Variants in TRIM33 observed in about 807,000 individuals in gnomAD.
TRIM33 encodes the protein tripartite motif containing 33.
A neutral mutation model predicts 125.4 loss-of-function variants in TRIM33; 20 were observed. The ratio of observed to expected loss-of-function variants is 0.16; its 90% confidence interval spans 0.11 to 0.23. TRIM33 has a LOEUF of 0.23. TRIM33 is among the 10% of genes least tolerant of loss of function. The pLI is 1.00. For synonymous variants in TRIM33, 564 were observed against 513.9 expected, an observed-to-expected ratio of 1.10 and a Z score of -1.32; for missense variants, 920 against 1,411.4, an observed-to-expected ratio of 0.65 and a Z score of 5.58.
At chr1:114,421,758 C>T in intron 10 of TRIM33, 122 bp from the exon 11 acceptor site, 2 of 883,162 alleles carry the variant, frequency 2.3e-6, no homozygotes, top group Non-Finnish European at 1.7e-6. Flanking sequence ...CCCTTTCAAA[C>T]TTATTCAGGA....
At chr1:114,486,220 G>A (rs939452736) in intron 1 of TRIM33, among the ~76,000 whole-genome samples, 17 of 152,106 alleles carry the variant, frequency 1.1e-4, no homozygotes, top group African/African-American at 4.1e-4. Flanking sequence ...AGGTTGCAAT[G>A]AGCTGAGATC....
chr1:114,402,407 T>C (rs1301543792), intron 16 of TRIM33, among the ~76,000 whole-genome samples: 4 of 152,258 alleles, frequency 2.6e-5, no homozygotes, highest in East Asian at 3.9e-4. Context: ...TTCTAATAGG[T>C]TTCTAACCTG....
At chr1:114,448,064 T>C (rs1222333125) in intron 4 of TRIM33, among the ~76,000 whole-genome samples, 2 of 152,064 alleles carry the variant, frequency 1.3e-5, no homozygotes, top group Admixed American at 6.6e-5. Context: ...TTTTTAAAAA[T>C]GGAAGAAAAA....
intron 6 of TRIM33, 83 bp from the exon 7 acceptor site, chr1:114,427,977 C>G (rs1199882944): frequency 7.3e-7 from 1 of 1,375,614 alleles, no homozygotes; most frequent in Non-Finnish European, 1.0e-6. Context: ...GGGCACAATA[C>G]CTATACTTCC....
intron 4 of TRIM33, among the ~76,000 whole-genome samples, chr1:114,439,406 T>C (rs775152330): frequency 6.3e-5 from 9 of 142,874 alleles, no homozygotes; most frequent in African/African-American, 1.9e-4. Context: ...GAGGTGGAGA[T>C]TGCAGTGAGC....
chr1:114,400,076 A>G (rs996086655), intron 17 of TRIM33, among the ~76,000 whole-genome samples: 3 of 152,246 alleles, frequency 2.0e-5, no homozygotes, highest in African/African-American at 4.8e-5. Flanking sequence ...GACTAAGAAC[A>G]TAAGAAAAAT....
rs964414838 is a variant in TRIM33, at chr1:114,468,308, C to T, written c.527-3920G>A. On this transcript the variant is annotated intron_variant, in intron 1 of 19. Coordinates refer to ENST00000358465, the MANE Select transcript of TRIM33 (RefSeq NM_015906.4). ...CCTGTCTGTGCCTAGCCCATTCGAG[C>T]TGCAGCCATGTCTGGGGATGAGATG... 5.4e-5 allele frequency: 15 copies of T among 275,886 alleles called. No individual in the cohort carries two copies. In the Admixed American group the frequency reaches 5.6e-4, roughly 10 times the overall value. The allele number at this position is 275,886 out of a possible 1,614,324, so 17.1% of individuals were successfully genotyped here.
chr1:114,476,275 T>C (rs1650974538), intron 1 of TRIM33, among the ~76,000 whole-genome samples: 1 of 149,882 alleles, frequency 6.7e-6, no homozygotes, highest in African/African-American at 2.5e-5. Context: ...CCACATCCTA[T>C]AAAAGTTTAA....
At chr1:114,497,879 G>GA (rs545036301) in intron 1 of TRIM33, among the ~76,000 whole-genome samples, 6,271 of 114,566 alleles carry the variant, frequency 0.055, 143 homozygotes, top group South Asian at 0.078. Context: ...AAGATCAAAA[G>GA]AAAAAAAAAA....
chr1:114,510,925 C>G lies in TRIM33; in HGVS notation c.152G>C (p.Gly51Ala). ...VLVEEEEEEG[G>A]RAGAEGGAAG... ...CGCGCCGCCCTCAGCGCCGGCCCTG[C>G]CGCCTTCCTCCTCCTCCTCCTCCAC... The change falls in exon 1 of 20, where the codon GGC (glycine) becomes GCC (alanine). Residue 51 changes from glycine to alanine, a missense_variant. Gly to Ala is a moderately conservative substitution (Grantham distance 60). Around this residue, in one of 8 missense-constraint regions of TRIM33, gnomAD observed 233 missense variants for 189.6 expected, o/e 1.23. Transcript: ENST00000358465. 1 of 1,418,900 alleles carries G rather than the reference C, an allele frequency of 7.0e-7. No homozygotes were observed. Among genetic ancestry groups the G allele is most frequent in the South Asian group, 1.5e-5 (1 of 68,624 alleles). The allele number at this position is 1,418,900 out of a possible 1,614,324, so 87.9% of individuals were successfully genotyped here.
chr1:114,456,938 A>T (rs998695782), intron 4 of TRIM33, among the ~76,000 whole-genome samples: 1 of 152,216 alleles, frequency 6.6e-6, no homozygotes, highest in South Asian at 2.1e-4. Flanking sequence ...TGGTGAAAAA[A>T]TCCTTAGAAA....
At position 114,399,882 on chromosome 1, in the gene TRIM33, T is replaced by C. The variant is rs73005343; in HGVS notation, c.2968-273A>G. On this transcript the variant is annotated intron_variant, in intron 17 of 19. Transcript: ENST00000358465. ...GCAATTAGCAAGGGTAACCAACCAGTAGCCTTGAGGCAACATTTGACTTAC... is the reference window on the plus strand; with the variant it reads ...GCAATTAGCAAGGGTAACCAACCAGCAGCCTTGAGGCAACATTTGACTTAC... Among the ~76,000 whole-genome samples the C allele has an allele frequency of 4.1e-3, 622 of 152,188 alleles. 5 individuals carry two copies. The highest frequency in any genetic ancestry group is 0.015 in the African/African-American group (609 of 41,536).
chr1:114,447,627 GACT>G (rs1324100826), intron 4 of TRIM33, among the ~76,000 whole-genome samples: 1 of 152,168 alleles, frequency 6.6e-6, no homozygotes, highest in Non-Finnish European at 1.5e-5. Flanking sequence ...TAAGCCCTAA[GACT>G]ATACGTATAG....
Position 114,397,626 on chromosome 1 carries a change from A to AT in TRIM33, c.*21dup. 1 of 1,242,248 alleles carries AT rather than the reference A, an allele frequency of 8.0e-7. No homozygotes were observed. Among genetic ancestry groups the AT allele is most frequent in the Non-Finnish European group, 1.1e-6 (1 of 905,408 alleles). 77.0% of individuals were successfully genotyped at this position (1,242,248 alleles called of 1,614,324 possible). On this transcript the variant is annotated 3_prime_UTR_variant, in exon 20 of 20. Coordinates refer to ENST00000358465, the MANE Select transcript of TRIM33 (RefSeq NM_015906.4). ...TTTTTCGTTTTTTTTTTTTTAAACA[A>AT]TTGATTTAAATCCATGTCATTTTAC...
intron 15 of TRIM33, among the ~76,000 whole-genome samples, chr1:114,403,183 T>C (rs906704164): frequency 6.6e-6 from 1 of 152,202 alleles, no homozygotes; most frequent in African/African-American, 2.4e-5. Flanking sequence ...AGACCAATTC[T>C]CTCAGATCCC....
chr1:114,401,004 T>C (rs1322535269), intron 17 of TRIM33, among the ~76,000 whole-genome samples: 1 of 151,678 alleles, frequency 6.6e-6, no homozygotes, highest in East Asian at 1.9e-4. Flanking sequence ...TGAGGTGTAA[T>C]ACAACTTAGT....
intron 9 of TRIM33, 67 bp downstream of exon 9, chr1:114,425,382 T>C (rs1647496752): frequency 1.0e-5 from 16 of 1,557,206 alleles, no homozygotes; most frequent in Non-Finnish European, 1.3e-5. Context: ...AACTTAATTA[T>C]ATAGGAAAAA....
rs775867907 is a variant in TRIM33 at position 114,501,189 on chromosome 1, C to CAAA, written c.526+9359_526+9361dup. Among the ~76,000 whole-genome samples, 26 of 23,054 alleles carry CAAA rather than the reference C, an allele frequency of 1.1e-3. 2 individuals are homozygous for CAAA. Among genetic ancestry groups the CAAA allele is most frequent in the Admixed American group, 4.0e-3 (11 of 2,718 alleles). 15.1% of individuals were successfully genotyped at this position (23,054 alleles called of 152,430 possible). A position where few individuals can be genotyped will look rare whatever the true frequency, so the allele number is the denominator to read the frequency against. On this transcript the variant is annotated intron_variant, in intron 1 of 19. Transcript: ENST00000358465. ...TGGGCGACAGAGCGAGACTCCGTCT[C>CAAA]AAAAAAAAAAAAAAAAAAAAAAAGA...
intron 18 of TRIM33, among the ~76,000 whole-genome samples, chr1:114,398,898 CAAAAAAAAAA>C (rs372853872): frequency 4.9e-5 from 3 of 60,802 alleles, no homozygotes; most frequent in East Asian, 6.7e-4. Flanking sequence ...AACTTACCCT[CAAAAAAAAAA>C]AAAAAAACAA....
Sources: allele counts gnomAD v4.1 joint callset (sites outside exome capture counted in the v4.1 genomes callset), GRCh38; gene constraint gnomAD v4.1.1; regional missense constraint gnomAD v4.1.1; transcripts MANE v1.5; gene names NCBI Gene and HGNC (gene_info 2026-07-23, HGNC 2026-07-21).